Variants in COPZ2 observed in about 807,000 individuals in gnomAD.
COPZ2 encodes the protein coatomer subunit zeta-2.
A neutral mutation model predicts 33.2 loss-of-function variants in COPZ2; 30 were observed. That is an observed-to-expected ratio of 0.90 (90% confidence interval 0.68 to 1.23). COPZ2 has a LOEUF of 1.23. Among genes scored for constraint, COPZ2 ranks in the 50% most tolerant of loss-of-function variants. The pLI, the probability that COPZ2 is intolerant of heterozygous loss-of-function variation, is 0.00. For synonymous variants in COPZ2, 89 were observed against 102.6 expected (o/e 0.87, Z 0.80); for missense variants, 263 against 262.4 (o/e 1.00, Z -0.02).
upstream of COPZ2, among the ~76,000 whole-genome samples, chr17:48,038,546 CTG>C (rs1200768762): frequency 2.0e-5 from 3 of 152,328 alleles, no homozygotes; most frequent in East Asian, 3.9e-4. Flanking sequence ...GGTAAAAACA[CTG>C]TGCGTGTATT....
chr17:48,033,925 G>A lies in COPZ2; in HGVS notation c.206C>T (p.Pro69Leu). The change falls in exon 3 of 9, where the codon CCC (proline) becomes CTC (leucine). Residue 69 changes from proline to leucine, a missense_variant. Physicochemically the swap from Pro to Leu is moderately conservative, Grantham distance 98. Coordinates refer to ENST00000621465, the MANE Select transcript of COPZ2 (RefSeq NM_016429.4). ...LLAKYYDDTF[P>L]SMKEQMVFEK... ...GAAAACCATCTGCTCCTTCATGGAGGGGAATGTGTCATCATAATACTATGA... is the reference window on the plus strand; with the variant it reads ...GAAAACCATCTGCTCCTTCATGGAGAGGAATGTGTCATCATAATACTATGA... 1 of 1,610,216 alleles carries A rather than the reference G, an allele frequency of 6.2e-7. No individual in the cohort carries two copies. The highest frequency in any genetic ancestry group is 2.2e-5 in the East Asian group (1 of 44,832).
intron 8 of COPZ2, 60 bp from the exon 9 acceptor site, chr17:48,026,535 G>C (rs1380821422): frequency 3.2e-5 from 41 of 1,272,264 alleles, no homozygotes; most frequent in Non-Finnish European, 4.6e-5. Flanking sequence ...TCCATACACA[G>C]TCATGGGGAG....
At chr17:48,042,657 T>A (rs149747078), upstream of COPZ2, among the ~76,000 whole-genome samples, 3 of 152,018 alleles carry the variant, frequency 2.0e-5, no homozygotes, top group Non-Finnish European at 2.9e-5. Context: ...AGACGGGGTT[T>A]CACCATGTTA....
At chr17:48,043,617 T>C in the COPZ2 span, 1 of 959,706 alleles carries the variant, frequency 1.0e-6, no homozygotes, top group Non-Finnish European at 1.2e-6. Flanking sequence ...CGCCTTTGGC[T>C]TTCTCTGAGA....
Position 48,032,146 on chromosome 17 carries a change from C to T in COPZ2, c.494+10G>A. ...CCTGCTGTGAGTGTCCCTGACTGTC[C>T]CCTCCTCACCCGCCATCCACAATCT... On this transcript the variant is annotated intron_variant, in intron 6 of 8. Coordinates refer to ENST00000621465, the MANE Select transcript of COPZ2 (RefSeq NM_016429.4). 1.2e-6 allele frequency: 2 copies of T among 1,610,538 alleles called. No individual in the cohort carries two copies. Among genetic ancestry groups the T allele is most frequent in the Non-Finnish European group, 8.5e-7 (1 of 1,177,952 alleles).
the COPZ2 span, among the ~76,000 whole-genome samples, chr17:48,044,763 G>T: frequency 0.11 from 16,169 of 152,080 alleles, 1,107 homozygotes; most frequent in African/African-American, 0.19. Flanking sequence ...CATATGTCCG[G>T]ATTTGCCAGA....
chr17:48,026,814 G>A (rs1033583788), intron 8 of COPZ2, among the ~76,000 whole-genome samples: 2 of 152,262 alleles, frequency 1.3e-5, no homozygotes, highest in African/African-American at 2.4e-5. Context: ...ACGGGGCCCA[G>A]GCCTGACACT....
chr17:48,040,725 C>A (rs1322873089), upstream of COPZ2, among the ~76,000 whole-genome samples: 1 of 151,952 alleles, frequency 6.6e-6, no homozygotes, highest in Non-Finnish European at 1.5e-5. Context: ...GCCACTGCAC[C>A]TGGCCGATGA....
the COPZ2 span, chr17:48,045,272 T>C: frequency 6.6e-6 from 1 of 152,264 alleles, no homozygotes; most frequent in East Asian, 1.9e-4. Flanking sequence ...GAGACATTTT[T>C]AGAGGAAAGA....
the COPZ2 span, among the ~76,000 whole-genome samples, chr17:48,043,152 T>C: frequency 1.3e-5 from 2 of 152,198 alleles, no homozygotes; most frequent in African/African-American, 2.4e-5. Context: ...TTCTCTGCCC[T>C]CTACTCCCTT....
chr17:48,038,022 C>G, upstream of COPZ2: 1 of 285,860 alleles, frequency 3.5e-6, no homozygotes, highest in Non-Finnish European at 5.3e-6. Context: ...TCTGCATCCT[C>G]AGGGTGCCCC....
Position 48,028,261 on chromosome 17 carries a change from A to G in COPZ2, c.585+211T>C, listed in dbSNP as rs2036843386. Among the ~76,000 whole-genome samples the G allele has an allele frequency of 6.6e-6, 1 of 152,174 alleles. No individual in the cohort carries two copies. The highest frequency in any genetic ancestry group is 1.5e-5 in the Non-Finnish European group (1 of 68,022). On this transcript the variant is annotated intron_variant, in intron 8 of 8. Transcript: ENST00000621465. The surrounding 1 kb of genome is among the most constrained non-coding windows in gnomAD (Gnocchi z 4.5). ...CTGATGGTAACATGCCCATCCATCC[A>G]TTAGTACCCAGCTCCCCTGAGTTGG...
chr17:48,046,661 T>G, the COPZ2 span: 1 of 152,322 alleles, frequency 6.6e-6, no homozygotes, highest in South Asian at 2.1e-4. Flanking sequence ...ACAATACCAG[T>G]CTTTATCTTC....
the COPZ2 span, chr17:48,047,779 A>C: frequency 6.6e-6 from 1 of 152,202 alleles, no homozygotes; most frequent in East Asian, 1.9e-4. Flanking sequence ...GTTCGCACCG[A>C]GGGGAAGTTG....
intron 5 of COPZ2, 54 bp downstream of exon 5, chr17:48,032,632 T>C: frequency 7.4e-7 from 1 of 1,358,078 alleles, no homozygotes; most frequent in Non-Finnish European, 1.0e-6. Flanking sequence ...AAGGGTCCTG[T>C]GACATATCAG....
intron 2 of COPZ2, among the ~76,000 whole-genome samples, chr17:48,034,908 C>T (rs1395938752): frequency 6.6e-6 from 1 of 152,128 alleles, no homozygotes; most frequent in African/African-American, 2.4e-5. Context: ...ATCGCTTGAA[C>T]CCGGGAGGCG....
the COPZ2 span, among the ~76,000 whole-genome samples, chr17:48,043,381 C>T: frequency 6.6e-6 from 1 of 152,118 alleles, no homozygotes. Flanking sequence ...GCTGTCTGTC[C>T]TAGGATTTCA....
At chr17:48,029,087 G>A (rs1306400384) in intron 7 of COPZ2, 38 bp downstream of exon 7, 4 of 1,552,270 alleles carry the variant, frequency 2.6e-6, no homozygotes, top group Non-Finnish European at 3.5e-6. Context: ...GGACAGGAAG[G>A]GCAGCCTAAA....
the COPZ2 span, chr17:48,046,701 TCTC>T: frequency 1.3e-5 from 2 of 152,216 alleles, no homozygotes; most frequent in African/African-American, 2.4e-5. Context: ...GACTGAATGG[TCTC>T]CTATTTTATT....
Sources: allele counts gnomAD v4.1 joint callset (sites outside exome capture counted in the v4.1 genomes callset), GRCh38; gene constraint gnomAD v4.1.1; non-coding constraint Gnocchi (gnomAD v3.1); transcripts MANE v1.5; gene names NCBI Gene and HGNC (gene_info 2026-07-23, HGNC 2026-07-21).